The following ANK2 variants were observed in gnomAD, a reference collection of about 807,000 sequenced individuals.
ANK2 encodes ankyrin-2.
Under a neutral mutation model 360.5 loss-of-function variants are expected in ANK2, and 83 were observed. The ratio of observed to expected loss-of-function variants is 0.23; its 90% confidence interval spans 0.19 to 0.28. The LOEUF is 0.28. Among genes scored for constraint, ANK2 ranks in the 10% least tolerant of loss-of-function variants. The pLI, the probability that ANK2 is intolerant of heterozygous loss-of-function variation, is 1.00. For missense variants in ANK2, 4,201 were observed against 4,795.7 expected (o/e 0.88, Z 3.66); for synonymous variants, 1,740 against 1,759.5 (o/e 0.99, Z 0.28).
intron 4 of ANK2, among the ~76,000 whole-genome samples, chr4:113,204,682 G>A (rs1195862532): frequency 6.6e-6 from 1 of 152,098 alleles, no homozygotes; most frequent in African/African-American, 2.4e-5. Flanking sequence ...TCATTGGTAC[G>A]GACACCTTCC....
At chr4:112,792,128 G>A in the ANK2 span, among the ~76,000 whole-genome samples, 2 of 131,228 alleles carry the variant, frequency 1.5e-5, no homozygotes, top group Non-Finnish European at 3.1e-5. Flanking sequence ...TGCAACCTCC[G>A]CCTCCTGGGT....
At chr4:113,209,648 G>T (rs1481695557) in intron 4 of ANK2, among the ~76,000 whole-genome samples, 2 of 151,978 alleles carry the variant, frequency 1.3e-5, no homozygotes, top group Non-Finnish European at 2.9e-5. Flanking sequence ...CTGATGGCTT[G>T]CAGGTAAAGA....
chr4:113,382,608 A>G lies in ANK2; in HGVS notation c.*1137A>G, dbSNP rs1212601442. The G allele has an allele frequency of 6.6e-6, 1 of 152,334 alleles. No individual in the cohort carries two copies. The highest frequency in any genetic ancestry group is 1.9e-4 in the East Asian group (1 of 5,194). 9.4% of individuals were successfully genotyped at this position (152,334 alleles called of 1,614,324 possible). On this transcript the variant is annotated 3_prime_UTR_variant, in exon 46 of 46. Transcript: ENST00000357077. ...ACTACATAAAAGGTTAAACTCCTTC[A>G]GTATGTTGGAGTGGTTTCTTTTTTT...
chr4:113,107,092 A>G, intron 1 of ANK2: 1 of 301,102 alleles, frequency 3.3e-6, no homozygotes, highest in Non-Finnish European at 6.5e-6. Context: ...TAAATCTTTG[A>G]TAATGAAGCC....
intron 26 of ANK2, among the ~76,000 whole-genome samples, chr4:113,329,195 G>C (rs976733808): frequency 1.3e-5 from 2 of 152,114 alleles, no homozygotes; most frequent in African/African-American, 4.8e-5. Flanking sequence ...TTTGCTCCTC[G>C]ACACAGTAAG....
chr4:112,875,766 G>GT (rs1004643839), intron 1 of ANK2, among the ~76,000 whole-genome samples: 44 of 150,824 alleles, frequency 2.9e-4, no homozygotes, highest in African/African-American at 1.0e-3. Flanking sequence ...AGGAGACAGG[G>GT]TCTCACTCTT....
At chr4:112,733,862 C>T in the ANK2 span, among the ~76,000 whole-genome samples, 1 of 152,192 alleles carries the variant, frequency 6.6e-6, no homozygotes, top group Non-Finnish European at 1.5e-5. Flanking sequence ...GCAACCTCCG[C>T]CTCCTGGGTT....
chr4:113,381,287 T>C (rs2097164092), intron 45 of ANK2, among the ~76,000 whole-genome samples, 170 bp from the exon 46 acceptor site: 1 of 152,182 alleles, frequency 6.6e-6, no homozygotes, highest in Admixed American at 6.5e-5. Context: ...GGGAGCCATG[T>C]TTAAAAGAAA....
At chr4:113,205,958 G>GCA (rs907876773) in intron 4 of ANK2, among the ~76,000 whole-genome samples, 11 of 151,928 alleles carry the variant, frequency 7.2e-5, no homozygotes, top group Non-Finnish European at 1.2e-4. Flanking sequence ...GCACACATAT[G>GCA]CACACACACA....
At chr4:112,731,489 T>C in the ANK2 span, among the ~76,000 whole-genome samples, 1 of 151,960 alleles carries the variant, frequency 6.6e-6, no homozygotes, top group Non-Finnish European at 1.5e-5. Context: ...TTTGGGAGGC[T>C]GAGGTGGGTA....
intron 1 of ANK2, among the ~76,000 whole-genome samples, chr4:113,168,963 C>T (rs2097850598): frequency 6.6e-6 from 1 of 152,124 alleles, no homozygotes; most frequent in Non-Finnish European, 1.5e-5. Flanking sequence ...TCCTTTTATA[C>T]CTGTACATCT....
intron 4 of ANK2, among the ~76,000 whole-genome samples, chr4:113,204,264 A>G (rs557338604): frequency 4.6e-5 from 7 of 151,468 alleles, no homozygotes; most frequent in Non-Finnish European, 7.4e-5. Flanking sequence ...ATATTTTTAC[A>G]TGATAAAAAA....
chr4:113,356,921 A>G lies in ANK2; in HGVS notation c.8303A>G (p.Gln2768Arg), dbSNP rs1414702149. 3 of 1,614,108 alleles carry G rather than the reference A, an allele frequency of 1.9e-6. No individual in the cohort carries two copies. Among genetic ancestry groups the G allele is most frequent in the Admixed American group, 1.7e-5 (1 of 60,026 alleles). ...SYDKLNRDTD[Q>R]PKICDGHGCE... ...GATAAGCTAAACAGAGACACTGATC[A>G]GCCAAAAATCTGTGATGGCCATGGA... Residue 2768 changes from glutamine to arginine, a missense_variant, in exon 38 of 46, where the codon CAG becomes CGG. By Grantham distance (43) the Gln-to-Arg change is conservative. Coordinates refer to ENST00000357077, the MANE Select transcript of ANK2 (RefSeq NM_001148.6).
rs11427035 is a variant in ANK2 at position 112,930,448 on chromosome 4, CA to C, written c.21+25948del. Among the ~76,000 whole-genome samples, 756 of 122,112 alleles carry C rather than the reference CA, an allele frequency of 6.2e-3. 2 individuals are homozygous for C. Among genetic ancestry groups the C allele is most frequent in the East Asian group, 0.014 (60 of 4,300 alleles). The allele number at this position is 122,112 out of a possible 152,430, so 80.1% of individuals were successfully genotyped here. ...TGGGCGACAGAGCCAGACCCTGTCT[CA>C]AAAAAAAAAAAAAGAAAAGAAAATG... On this transcript the variant is annotated intron_variant, in intron 2 of 30. Transcript: ENST00000503271.
the ANK2 span, among the ~76,000 whole-genome samples, chr4:112,715,371 AT>A: frequency 7.2e-5 from 11 of 152,100 alleles, no homozygotes; most frequent in Non-Finnish European, 1.5e-4. Flanking sequence ...CCACTATTCC[AT>A]GGGAGGGATG....
chr4:113,264,765 T>C, intron 13 of ANK2, 132 bp from the exon 14 acceptor site: 1 of 816,394 alleles, frequency 1.2e-6, no homozygotes, highest in Non-Finnish European at 2.0e-6. Flanking sequence ...CCAGACTAAA[T>C]AATTATGCCT....
At chr4:113,142,831 G>GT (rs1282551605) in intron 1 of ANK2, among the ~76,000 whole-genome samples, 2 of 152,022 alleles carry the variant, frequency 1.3e-5, no homozygotes, top group Non-Finnish European at 2.9e-5. Context: ...ACTCTCAGTG[G>GT]TTTTTTCGTT....
At chr4:113,090,792 T>C (rs2087558998) in intron 1 of ANK2, among the ~76,000 whole-genome samples, 1 of 152,228 alleles carries the variant, frequency 6.6e-6, no homozygotes, top group Non-Finnish European at 1.5e-5. Flanking sequence ...TATAATGTTT[T>C]GAAGCTGAAT....
chr4:112,823,909 C>T (rs2057782348), intron 1 of ANK2, among the ~76,000 whole-genome samples: 1 of 152,168 alleles, frequency 6.6e-6, no homozygotes, highest in African/African-American at 2.4e-5. Flanking sequence ...TAGCCAGATT[C>T]AATGTGAAAT....
Sources: allele counts gnomAD v4.1 joint callset (sites outside exome capture counted in the v4.1 genomes callset), GRCh38; gene constraint gnomAD v4.1.1; transcripts MANE v1.5; gene names NCBI Gene and HGNC (gene_info 2026-07-23, HGNC 2026-07-21).